The following GNG5B variants were observed in gnomAD, a reference collection of about 807,000 sequenced individuals.
GNG5B encodes G protein subunit gamma 5B, also known as guanine nucleotide-binding protein G(I)/G(S)/G(O) subunit gamma-5B.
At chrX:110,346,652 T>A in the GNG5B span, 1 of 570,547 alleles carries the variant, frequency 1.8e-6, no homozygotes, top group Admixed American at 2.3e-5. Context: ...CTCTTGAATA[T>A]TCACTGGATC....
the GNG5B span, chrX:110,346,812 G>T: frequency 1.4e-6 from 1 of 723,327 alleles, no homozygotes; most frequent in Non-Finnish European, 2.2e-6. Flanking sequence ...TTTCAAGTCT[G>T]CAGCTGCCTG....
the GNG5B span, chrX:110,346,635 T>G: frequency 1.8e-6 from 1 of 549,714 alleles, no homozygotes; most frequent in East Asian, 3.4e-5. Context: ...AGGCTTCAAA[T>G]GTATCTCTCT....
the GNG5B span, chrX:110,346,943 G>A: frequency 1.1e-5 from 6 of 530,111 alleles, no homozygotes; most frequent in Non-Finnish European, 2.1e-5. Context: ...TTCGTGGGTC[G>A]GTGGGTCGTG....
chrX:110,346,948 G>A, the GNG5B span: 1 of 524,788 alleles, frequency 1.9e-6, no homozygotes, highest in East Asian at 3.6e-5. Context: ...GGGTCGGTGG[G>A]TCGTGGGCCG....
chrX:110,346,812 G>A, the GNG5B span: 37 of 722,128 alleles, frequency 5.1e-5, no homozygotes, highest in African/African-American at 6.2e-4. Flanking sequence ...TTTCAAGTCT[G>A]CAGCTGCCTG....
At chrX:110,346,569 C>G in the GNG5B span, 60 of 446,049 alleles carry the variant, frequency 1.3e-4, no homozygotes, top group Non-Finnish European at 2.3e-4. Context: ...TAAGGACAGA[C>G]AAAAGTAGAA....
Sources: gnomAD v4.1 joint callset for allele counts on GRCh38, gnomAD v4.1.1 for gene constraint, MANE v1.5 for transcripts, NCBI Gene and HGNC (gene_info 2026-07-23, HGNC 2026-07-21) for gene names.